LMAN2L: variants seen among roughly 807,000 people sequenced by gnomAD.
LMAN2L encodes lectin, mannose binding 2 like, also known as VIP36-like protein.
LMAN2L carries 30 observed loss-of-function variants against 44.3 expected under a neutral mutation model. That is an observed-to-expected ratio of 0.68 (90% CI 0.51 to 0.92). The LOEUF is 0.92. Among genes scored for constraint, LMAN2L ranks in the 40% least tolerant of loss-of-function variants. The pLI, the probability that LMAN2L is intolerant of heterozygous loss-of-function variation, is 0.00. For missense variants in LMAN2L, 429 were observed against 446.1 expected (o/e 0.96, Z 0.35); for synonymous variants, 183 against 171.1 (o/e 1.07, Z -0.54).
rs561683776 is a variant in LMAN2L at position 96,725,421 on chromosome 2, T to C, written c.507+8098A>G. 1.6e-4 allele frequency among the ~76,000 whole-genome samples: 24 copies of C among 151,736 alleles called. No individual in the cohort carries two copies. The East Asian group carries it at 4.1e-3, about 26-fold the overall frequency. On this transcript the variant is annotated intron_variant, in intron 4 of 7. Coordinates refer to ENST00000264963, the MANE Select transcript of LMAN2L (RefSeq NM_030805.4). The stretch of plus-strand genomic sequence containing the variant: ...TGGCCCCAACAATATTTTGTAGTTG[T>C]CAAAGTTTTTCTATTAAATTTTCTT...
intron 4 of LMAN2L, among the ~76,000 whole-genome samples, chr2:96,731,435 G>A (rs1187237370): frequency 6.6e-6 from 1 of 152,118 alleles, no homozygotes; most frequent in Non-Finnish European, 1.5e-5. Context: ...AATCACCTGA[G>A]GTCAGGAGAT....
intron 4 of LMAN2L, among the ~76,000 whole-genome samples, chr2:96,713,640 G>C (rs2077976002): frequency 6.6e-6 from 1 of 152,168 alleles, no homozygotes; most frequent in Admixed American, 6.5e-5. Flanking sequence ...TCAGGAAACA[G>C]CTCCTGCCCA....
chr2:96,724,639 CCCA>C (rs2078229316), intron 4 of LMAN2L, among the ~76,000 whole-genome samples: 1 of 151,988 alleles, frequency 6.6e-6, no homozygotes, highest in Admixed American at 6.6e-5. Context: ...GCATGCATCA[CCCA>C]CCACACCAGG....
At chr2:96,710,670 A>AT (rs57195239) in intron 6 of LMAN2L, among the ~76,000 whole-genome samples, 38,541 of 151,184 alleles carry the variant, frequency 0.25, 5,918 homozygotes, top group East Asian at 0.34. Context: ...ATATATATAT[A>AT]AAAAAAAATC....
intron 6 of LMAN2L, among the ~76,000 whole-genome samples, chr2:96,710,262 C>G (rs1283270939): frequency 6.6e-6 from 1 of 152,142 alleles, no homozygotes; most frequent in Non-Finnish European, 1.5e-5. Context: ...AAATATTTGT[C>G]AAAACTCTTC....
chr2:96,717,349 G>A (rs2078059830), intron 4 of LMAN2L, among the ~76,000 whole-genome samples: 1 of 151,896 alleles, frequency 6.6e-6, no homozygotes, highest in Non-Finnish European at 1.5e-5. Context: ...AGACCAACCT[G>A]GGCAACATGG....
At chr2:96,739,704 C>A in intron 1 of LMAN2L, 150 bp downstream of exon 1, 1 of 774,068 alleles carries the variant, frequency 1.3e-6, no homozygotes, top group Non-Finnish European at 2.1e-6. Flanking sequence ...AGACCTGTGG[C>A]TCCCAAACGC....
At chr2:96,729,796 G>A (rs376762133) in intron 4 of LMAN2L, among the ~76,000 whole-genome samples, 1 of 152,072 alleles carries the variant, frequency 6.6e-6, no homozygotes, top group Non-Finnish European at 1.5e-5. Context: ...GTGAGCCACC[G>A]CGCCCGGCCT....
chr2:96,720,707 G>A (rs919190900), intron 4 of LMAN2L, among the ~76,000 whole-genome samples: 2 of 152,158 alleles, frequency 1.3e-5, no homozygotes, highest in Non-Finnish European at 2.9e-5. Flanking sequence ...TTGGGAGGCT[G>A]AGGCGGGCAA....
Position 96,706,068 on chromosome 2 carries a change from C to T in LMAN2L, c.*1188G>A, listed in dbSNP as rs994702565. 1 of 152,586 alleles carries T rather than the reference C, an allele frequency of 6.6e-6. No homozygotes were observed. The highest frequency in any genetic ancestry group is 2.4e-5 in the African/African-American group (1 of 41,430). The allele number at this position is 152,586 out of a possible 1,614,324, so 9.5% of individuals were successfully genotyped here. A position where few individuals can be genotyped will look rare whatever the true frequency, so the allele number is the denominator to read the frequency against. On this transcript the variant is annotated 3_prime_UTR_variant, in exon 8 of 8. Transcript: ENST00000264963. ...GCAGTAAGGTGAGCAGCATGTAACC[C>T]CTTGTCAAATAAGGCAGTGGAATAA...
intron 4 of LMAN2L, 142 bp from the exon 5 acceptor site, chr2:96,712,167 CT>C (rs1412348261): frequency 1.3e-6 from 1 of 742,120 alleles, no homozygotes; most frequent in African/African-American, 1.8e-5. Flanking sequence ...TCAGCAGCCC[CT>C]GAGAGCCCAC....
At chr2:96,728,127 A>C (rs946674816) in intron 4 of LMAN2L, among the ~76,000 whole-genome samples, 1 of 152,190 alleles carries the variant, frequency 6.6e-6, no homozygotes, top group Non-Finnish European at 1.5e-5. Context: ...AGATAGTTGT[A>C]GGGTGTTGGG....
At chr2:96,716,797 G>A (rs903700384) in intron 4 of LMAN2L, among the ~76,000 whole-genome samples, 1 of 152,162 alleles carries the variant, frequency 6.6e-6, no homozygotes, top group Non-Finnish European at 1.5e-5. Flanking sequence ...CTCAATCACT[G>A]GGATACACTG....
intron 4 of LMAN2L, among the ~76,000 whole-genome samples, chr2:96,727,851 T>A (rs990537047): frequency 3.9e-5 from 6 of 152,226 alleles, no homozygotes; most frequent in African/African-American, 1.4e-4. Flanking sequence ...CCTCTTTTAA[T>A]GAGCTCAAAA....
intron 4 of LMAN2L, among the ~76,000 whole-genome samples, chr2:96,721,326 C>CTTTTT (rs56023035): frequency 1.2e-4 from 10 of 84,598 alleles, no homozygotes; most frequent in Non-Finnish European, 1.8e-4. Flanking sequence ...TTCTTTCAGT[C>CTTTTT]TTTTTTTTTT....
intron 2 of LMAN2L, among the ~76,000 whole-genome samples, chr2:96,736,631 CCA>C (rs1181204221): frequency 1.3e-5 from 2 of 152,280 alleles, no homozygotes; most frequent in African/African-American, 4.8e-5. Flanking sequence ...TTTTAACTTG[CCA>C]CAGTCTTTTC....
At chr2:96,738,762 A>G (rs1418491361) in intron 1 of LMAN2L, among the ~76,000 whole-genome samples, 2 of 149,930 alleles carry the variant, frequency 1.3e-5, no homozygotes, top group Non-Finnish European at 1.5e-5. Context: ...TTTCTTTGAG[A>G]TGGAGTCTCG....
At position 96,711,134 on chromosome 2, in the gene LMAN2L, C is replaced by T. The variant is rs369168780; in HGVS notation, c.784+522G>A. ...TGAATATGGCAAGGAAACAGAATGA[C>T]CTTTCATGAGAATGGTGTTAGTGTA... On this transcript the variant is annotated intron_variant, in intron 6 of 7. Transcript: ENST00000264963. Among the ~76,000 whole-genome samples, 25 of 152,230 alleles carry T rather than the reference C, an allele frequency of 1.6e-4. 2 individuals carry two copies. The highest frequency in any genetic ancestry group is 6.5e-4 in the Admixed American group (10 of 15,286).
intron 6 of LMAN2L, among the ~76,000 whole-genome samples, chr2:96,708,586 A>G (rs2077837606): frequency 6.6e-6 from 1 of 152,242 alleles, no homozygotes. Context: ...CTTCCAGCAC[A>G]GTAAGAACAG....
Sources: gnomAD v4.1 joint callset for allele counts (sites outside exome capture counted in the v4.1 genomes callset) on GRCh38, gnomAD v4.1.1 for gene constraint, MANE v1.5 for transcripts, NCBI Gene and HGNC (gene_info 2026-07-23, HGNC 2026-07-21) for gene names.